Variants in RSPH3 observed in about 807,000 individuals in gnomAD.
The protein encoded by RSPH3 is radial spoke head protein 3 homolog.
Under a neutral mutation model 43.8 loss-of-function variants are expected in RSPH3, and 21 were observed. That is an observed-to-expected ratio of 0.48 (90% CI 0.34 to 0.69). The LOEUF is 0.69. Among genes scored for constraint, RSPH3 ranks in the 30% least tolerant of loss-of-function variants. The pLI, the probability that RSPH3 is intolerant of heterozygous loss-of-function variation, is 0.01. For missense variants in RSPH3, 487 were observed against 516.0 expected, an observed-to-expected ratio of 0.94 and a Z score of 0.54; for synonymous variants, 173 against 179.8, an observed-to-expected ratio of 0.96 and a Z score of 0.30.
chr6:158,986,293 G>C lies in RSPH3; in HGVS notation c.333C>G (p.Val111=), dbSNP rs748194351. 1.1e-5 allele frequency: 17 copies of C among 1,613,974 alleles called. No individual in the cohort carries two copies. Among genetic ancestry groups the C allele is most frequent in the Non-Finnish European group, 1.4e-5 (17 of 1,179,944 alleles). Residue 111 remains valine, a synonymous_variant, in exon 3 of 8, where the codon GTC becomes GTG. Transcript: ENST00000367069. ...ACAGTCACACACCTGTTTGCACATC[G>C]ACATGCTTTCTGCCTTCCACAGGTT... ...TPEPVEGRKH[V]DVQTELYLEE...
intron 2 of RSPH3, among the ~76,000 whole-genome samples, chr6:158,992,876 A>G (rs1162807483): frequency 2.6e-5 from 4 of 152,162 alleles, no homozygotes; most frequent in Non-Finnish European, 4.4e-5. Context: ...AACTCAATAA[A>G]TATTTGTTGA....
chr6:158,963,214 C>T, the RSPH3 span, among the ~76,000 whole-genome samples: 1 of 152,090 alleles, frequency 6.6e-6, no homozygotes, highest in Non-Finnish European at 1.5e-5. Flanking sequence ...GACTGAAAGG[C>T]AATGTTATAA....
At chr6:158,998,794 A>AG (rs1778724145) in intron 1 of RSPH3, among the ~76,000 whole-genome samples, 1 of 98,714 alleles carries the variant, frequency 1.0e-5, no homozygotes, top group Admixed American at 1.5e-4. Flanking sequence ...GGAGTGGGGG[A>AG]GGGGGGCGGA....
intron 2 of RSPH3, among the ~76,000 whole-genome samples, chr6:158,987,040 T>C (rs1164679361): frequency 1.3e-5 from 2 of 152,216 alleles, no homozygotes; most frequent in African/African-American, 4.8e-5. Context: ...TTTCCTGATT[T>C]TCTGTTTGGA....
chr6:158,976,550 A>T lies in RSPH3; in HGVS notation c.*988T>A, dbSNP rs1777845602. On this transcript the variant is annotated 3_prime_UTR_variant, in exon 8 of 8. Transcript: ENST00000367069. ...AGATTTTCAAATACATTTGTATAGGAATACCTCAAAAAAGGCCTAGATAGC... is the reference window on the plus strand; with the variant it reads ...AGATTTTCAAATACATTTGTATAGGTATACCTCAAAAAAGGCCTAGATAGC... 1 of 152,228 alleles carries T rather than the reference A, an allele frequency of 6.6e-6. No homozygotes were observed. The highest frequency in any genetic ancestry group is 2.1e-4 in the South Asian group (1 of 4,836). The allele number at this position is 152,228 out of a possible 1,614,324, so 9.4% of individuals were successfully genotyped here.
At chr6:158,967,122 T>C in the RSPH3 span, among the ~76,000 whole-genome samples, 1 of 152,086 alleles carries the variant, frequency 6.6e-6, no homozygotes, top group Admixed American at 6.6e-5. Context: ...ATGATTCTCC[T>C]ATCTTAGCCT....
chr6:158,971,973 T>C (rs1349948115), downstream of RSPH3, among the ~76,000 whole-genome samples: 1 of 151,950 alleles, frequency 6.6e-6, no homozygotes, highest in Non-Finnish European at 1.5e-5. Context: ...ATATGAGGAA[T>C]AATTGGGAAG....
intron 3 of RSPH3, among the ~76,000 whole-genome samples, chr6:158,985,958 C>T (rs1357501368): frequency 1.2e-4 from 18 of 151,824 alleles, no homozygotes; most frequent in African/African-American, 4.4e-4. Flanking sequence ...GGATTACAGG[C>T]GACCACCACC....
At chr6:158,970,406 T>C (rs897283869), downstream of RSPH3, among the ~76,000 whole-genome samples, 4 of 152,226 alleles carry the variant, frequency 2.6e-5, no homozygotes, top group African/African-American at 9.6e-5. Context: ...AGCTCTGTCT[T>C]AGCTTTCAAT....
At chr6:158,982,134 T>C (rs778043142) in intron 5 of RSPH3, among the ~76,000 whole-genome samples, 4 of 152,204 alleles carry the variant, frequency 2.6e-5, no homozygotes, top group Admixed American at 1.3e-4. Flanking sequence ...CTTCCATCTT[T>C]CTGCCACTGA....
At chr6:158,986,490 C>G in intron 2 of RSPH3, 69 bp from the exon 3 acceptor site, 2 of 1,301,468 alleles carry the variant, frequency 1.5e-6, no homozygotes, top group Non-Finnish European at 2.1e-6. Context: ...ACTGCCATTC[C>G]AAAAGCAATT....
Position 159,000,031 on chromosome 6 carries a change from C to T in RSPH3, c.-481G>A. ...TCCTTGGCCCGGCTTTGGAATGTGGCTTTGCAGGGCTGGTGTTGGCGCCAT... is the reference window on the plus strand; with the variant it reads ...TCCTTGGCCCGGCTTTGGAATGTGGTTTTGCAGGGCTGGTGTTGGCGCCAT... On this transcript the variant is annotated 5_prime_UTR_variant, in exon 1 of 8. Transcript: ENST00000367069. 2.7e-6 allele frequency: 4 copies of T among 1,502,410 alleles called. No individual in the cohort carries two copies. The highest frequency in any genetic ancestry group is 3.6e-6 in the Non-Finnish European group (4 of 1,119,856). 93.1% of individuals were successfully genotyped at this position (1,502,410 alleles called of 1,614,324 possible).
intron 2 of RSPH3, among the ~76,000 whole-genome samples, 171 bp downstream of exon 2, chr6:158,993,668 G>C (rs1228942612): frequency 6.6e-6 from 1 of 151,928 alleles, no homozygotes; most frequent in African/African-American, 2.4e-5. Context: ...CCTGGAAACT[G>C]TCACTGGGCT....
intron 6 of RSPH3, among the ~76,000 whole-genome samples, chr6:158,979,228 G>T (rs1289796198): frequency 6.6e-6 from 1 of 151,798 alleles, no homozygotes; most frequent in Non-Finnish European, 1.5e-5. Context: ...TTTTGGGGCA[G>T]GCATCTAATT....
chr6:158,991,201 C>G (rs1778394457), intron 2 of RSPH3, among the ~76,000 whole-genome samples: 1 of 152,052 alleles, frequency 6.6e-6, no homozygotes, highest in Non-Finnish European at 1.5e-5. Flanking sequence ...TCTGAGTCAT[C>G]TTGGTTTTGT....
At chr6:158,983,600 C>T in intron 4 of RSPH3, 62 bp downstream of exon 4, 1 of 1,262,286 alleles carries the variant, frequency 7.9e-7, no homozygotes, top group Non-Finnish European at 1.2e-6. Context: ...TAAGCATTAT[C>T]TACACCTAAC....
intron 7 of RSPH3, 144 bp downstream of exon 7, chr6:158,978,116 G>C: frequency 3.1e-6 from 2 of 641,962 alleles, no homozygotes; most frequent in Admixed American, 3.1e-5. Flanking sequence ...TAATATTGAG[G>C]GTAAAAATTT....
chr6:158,965,865 C>G, the RSPH3 span, among the ~76,000 whole-genome samples: 1 of 151,956 alleles, frequency 6.6e-6, no homozygotes. Flanking sequence ...AATCTTTCAC[C>G]GTTAAGTATT....
rs372470923 is a variant in RSPH3 at position 158,999,860 on chromosome 6, T to C, written c.-310A>G. ...GGTCCCCAGGTTTCCCGGGAAGGAC[T>C]GCGGCACAAGGGACTTCCGGCTCTT... On this transcript the variant is annotated 5_prime_UTR_variant, in exon 1 of 8. Coordinates refer to ENST00000367069, the MANE Select transcript of RSPH3 (RefSeq NM_031924.8). The C allele has an allele frequency of 2.5e-6, 4 of 1,613,784 alleles. No homozygotes were observed. The highest frequency in any genetic ancestry group is 3.4e-6 in the Non-Finnish European group (4 of 1,179,930).
Sources: allele counts gnomAD v4.1 joint callset (sites outside exome capture counted in the v4.1 genomes callset), GRCh38; gene constraint gnomAD v4.1.1; transcripts MANE v1.5; gene names NCBI Gene and HGNC (gene_info 2026-07-23, HGNC 2026-07-21).